The following TRAP1 variants were observed in gnomAD, a reference collection of about 807,000 sequenced individuals.
TRAP1 encodes the protein TNF receptor associated protein 1.
A neutral mutation model predicts 89.1 loss-of-function variants in TRAP1; 102 were observed. That is an observed-to-expected ratio of 1.15 (90% CI 0.98 to 1.35). The LOEUF (loss-of-function observed/expected upper bound fraction) is 1.35, where lower values mean the gene tolerates loss of function less well. Among genes scored for constraint, TRAP1 ranks in the 40% most tolerant of loss-of-function variants. The pLI is 0.00. For synonymous variants in TRAP1, 508 were observed against 388.0 expected, an observed-to-expected ratio of 1.31 and a Z score of -3.64; for missense variants, 1,256 against 945.3, an observed-to-expected ratio of 1.33 and a Z score of -4.31.
At chr16:3,680,263 C>T (rs2051057472) in intron 4 of TRAP1, 1 of 157,124 alleles carries the variant, frequency 6.4e-6, no homozygotes, top group African/African-American at 2.4e-5. Flanking sequence ...AACGAAAAGA[C>T]TAATTCTAGT....
chr16:3,697,577 T>C lies in TRAP1; in HGVS notation c.89-6592A>G, dbSNP rs1204014179. 2.1e-5 allele frequency among the ~76,000 whole-genome samples: 3 copies of C among 144,738 alleles called. No homozygotes were observed. In the East Asian group the frequency reaches 6.3e-4, roughly 30 times the overall value. 95.0% of individuals were successfully genotyped at this position (144,738 alleles called of 152,430 possible). On this transcript the variant is annotated intron_variant, in intron 1 of 17. Coordinates refer to ENST00000246957, the MANE Select transcript of TRAP1 (RefSeq NM_016292.3). The stretch of plus-strand genomic sequence containing the variant: ...TACTTGGGAGGCTGAGGCAGGAGAA[T>C]GGCATGAACCCGGGAGACGGAGTTT...
rs552513132 is a variant in TRAP1, at chr16:3,712,085, T to C, written c.88+5336A>G. On this transcript the variant is annotated intron_variant, in intron 1 of 17. Coordinates refer to ENST00000246957, the MANE Select transcript of TRAP1 (RefSeq NM_016292.3). ...GCAGGCAGATCAAAAGGTCAAAAGA[T>C]TGAGACCATCTTGCCCAACACGGTG... 3.3e-5 allele frequency among the ~76,000 whole-genome samples: 5 copies of C among 152,152 alleles called. 1 individual carries two copies. The highest frequency in any genetic ancestry group is 1.9e-4 in the East Asian group (1 of 5,174).
intron 1 of TRAP1, among the ~76,000 whole-genome samples, chr16:3,696,916 A>T (rs905275110): frequency 2.0e-5 from 3 of 152,054 alleles, no homozygotes; most frequent in Non-Finnish European, 2.9e-5. Context: ...CTGTAGAGAC[A>T]GGGATTCACC....
chr16:3,660,766 A>G (rs1395874884), intron 16 of TRAP1: 3 of 152,210 alleles, frequency 2.0e-5, no homozygotes, highest in Non-Finnish European at 4.4e-5. Flanking sequence ...CTAAAGAACA[A>G]AACAAAAACT....
intron 6 of TRAP1, 77 bp downstream of exon 6, chr16:3,677,421 T>A: frequency 6.3e-7 from 1 of 1,580,008 alleles, no homozygotes; most frequent in Non-Finnish European, 8.7e-7. Flanking sequence ...GTTTTCTGAG[T>A]CCATCCCTTT....
intron 5 of TRAP1, 100 bp from the exon 6 acceptor site, chr16:3,677,758 C>G: frequency 2.9e-6 from 4 of 1,379,468 alleles, no homozygotes; most frequent in Non-Finnish European, 3.9e-6. Context: ...ACCCCTTCAT[C>G]CTGAAAACAG....
rs371641134 is a variant in TRAP1, at chr16:3,658,224, C to G, written c.2020G>C (p.Glu674Gln). ...LAQLLVDQIY[E>Q]NAMIAAGLVD... The stretch of plus-strand genomic sequence containing the variant: ...AGTCCAGCAGCAATCATGGCGTTCT[C>G]GTATATCTGAAAGGCAAGAGGAGAA... The change falls in exon 18 of 18, where the codon GAG (glutamate) becomes CAG (glutamine). Residue 674 changes from glutamate to glutamine, a missense_variant. By Grantham distance (29) the Glu-to-Gln change is conservative. Coordinates refer to ENST00000246957, the MANE Select transcript of TRAP1 (RefSeq NM_016292.3). 10 of 1,613,400 alleles carry G rather than the reference C, an allele frequency of 6.2e-6. No homozygotes were observed. The highest frequency in any genetic ancestry group is 1.3e-5 in the African/African-American group (1 of 74,776).
chr16:3,675,991 C>T, intron 7 of TRAP1, 45 bp downstream of exon 7: 2 of 1,541,892 alleles, frequency 1.3e-6, no homozygotes, highest in Non-Finnish European at 1.8e-6. Flanking sequence ...GCCTCCAGGC[C>T]ACACATGGAT....
At chr16:3,708,494 G>A (rs1266380192) in intron 1 of TRAP1, among the ~76,000 whole-genome samples, 12 of 151,974 alleles carry the variant, frequency 7.9e-5, no homozygotes, top group South Asian at 6.2e-4. Flanking sequence ...AAAATTAGCC[G>A]GGCGTGGTGA....
At chr16:3,675,490 G>C in intron 7 of TRAP1, 93 bp from the exon 8 acceptor site, 1 of 1,244,462 alleles carries the variant, frequency 8.0e-7, no homozygotes, top group South Asian at 1.3e-5. Context: ...CAGCCTGCTG[G>C]GAAGGGTCCT....
At chr16:3,704,117 G>A (rs940790641) in intron 1 of TRAP1, 2 of 152,228 alleles carry the variant, frequency 1.3e-5, no homozygotes, top group Non-Finnish European at 2.9e-5. Flanking sequence ...AGCCAAGGTA[G>A]GCAGATCAGC....
rs1192560204 is a variant in TRAP1, at chr16:3,658,799, C to G, written c.2007G>C (p.Val669=). 1 of 1,613,708 alleles carries G rather than the reference C, an allele frequency of 6.2e-7. No homozygotes were observed. Among genetic ancestry groups the G allele is most frequent in the East Asian group, 2.2e-5 (1 of 44,878 alleles). Residue 669 remains valine, a synonymous_variant, in exon 17 of 18, where the codon GTG becomes GTC. Transcript: ENST00000246957. The part of the protein sequence containing the change: ...ASEPGLAQLL[V]DQIYENAMIA... ...CCTAAGCTGCTGCACTCACCTGATC[C>G]ACCAGCAGCTGAGCCAGGCCAGGCT... is the stretch of plus-strand genomic sequence containing the variant.
In TRAP1 at chr16:3,679,772, T is replaced by A. The variant is rs2051050511; in HGVS notation, c.490A>T (p.Thr164Ser). Reference protein sequence around the residue: ...ITIQDTGIGMTQEELVSNLGT... With the variant: ...ITIQDTGIGMSQEELVSNLGT... Reference sequence around the variant, plus strand: ...AGGTTGGACACCAGCTCTTCCTGTGTCATCCCGATACCAGTATCCTGAGGA... The same window carrying A: ...AGGTTGGACACCAGCTCTTCCTGTGACATCCCGATACCAGTATCCTGAGGA... The change falls in exon 5 of 18, where the codon ACA (threonine) becomes TCA (serine). Residue 164 changes from threonine (T) to serine (S), a missense_variant. Transcript: ENST00000246957. The A allele has an allele frequency of 6.2e-7, 1 of 1,613,994 alleles. No homozygotes were observed. The highest frequency in any genetic ancestry group is 8.5e-7 in the Non-Finnish European group (1 of 1,180,026).
intron 1 of TRAP1, among the ~76,000 whole-genome samples, chr16:3,716,118 G>A (rs1203108847): frequency 1.3e-5 from 2 of 152,196 alleles, no homozygotes; most frequent in African/African-American, 4.8e-5. Context: ...CTCCCAAAGT[G>A]CTAGGATTAC....
intron 4 of TRAP1, 111 bp downstream of exon 4, chr16:3,685,885 G>T: frequency 7.6e-7 from 1 of 1,312,506 alleles, no homozygotes; most frequent in South Asian, 1.5e-5. Flanking sequence ...GAGTTATCCT[G>T]GTGGTACGGA....
chr16:3,715,267 T>G (rs935240930), intron 1 of TRAP1, among the ~76,000 whole-genome samples: 2 of 151,916 alleles, frequency 1.3e-5, no homozygotes, highest in South Asian at 4.2e-4. Flanking sequence ...TGAAACCCCG[T>G]CTCTACTAAA....
In TRAP1 at chr16:3,678,732, G is replaced by A. The variant is rs369277845; in HGVS notation, c.543+987C>T. Among the ~76,000 whole-genome samples the A allele has an allele frequency of 4.0e-3, 616 of 152,252 alleles. 5 individuals carry two copies. The highest frequency in any genetic ancestry group is 0.014 in the African/African-American group (586 of 41,546). ...TGCCTCGGCCTCCCAAAGTACTGGG[G>A]TTACAGGCGTGAGCCACCGCACCCG... On this transcript the variant is annotated intron_variant, in intron 5 of 17. Coordinates refer to ENST00000246957, the MANE Select transcript of TRAP1 (RefSeq NM_016292.3).
At chr16:3,675,964 T>C (rs2050986673) in intron 7 of TRAP1, 72 bp downstream of exon 7, 4 of 1,332,256 alleles carry the variant, frequency 3.0e-6, no homozygotes, top group Non-Finnish European at 3.1e-6. Flanking sequence ...CCAGGGAAAA[T>C]GCCTGCTGAC....
chr16:3,704,620 C>T (rs976031012), intron 1 of TRAP1, among the ~76,000 whole-genome samples: 53 of 152,152 alleles, frequency 3.5e-4, no homozygotes, highest in African/African-American at 1.2e-3. Context: ...GAGATCCAGG[C>T]AGGAGGAGGC....
Sources: allele counts gnomAD v4.1 joint callset (sites outside exome capture counted in the v4.1 genomes callset), GRCh38; gene constraint gnomAD v4.1.1; transcripts MANE v1.5; gene names NCBI Gene and HGNC (gene_info 2026-07-23, HGNC 2026-07-21).